Variants in SEPTIN9 observed in about 807,000 individuals in gnomAD.
The protein encoded by SEPTIN9 is septin-9.
A neutral mutation model predicts 56.6 loss-of-function variants in SEPTIN9; 13 were observed. That is an observed-to-expected ratio of 0.23 (90% CI 0.15 to 0.37). The LOEUF (loss-of-function observed/expected upper bound fraction) is 0.37. SEPTIN9 is among the 10% of genes least tolerant of loss of function. The pLI, the probability that SEPTIN9 is intolerant of heterozygous loss-of-function variation, is 1.00. For synonymous variants in SEPTIN9, 332 were observed against 334.1 expected, an observed-to-expected ratio of 0.99 and a Z score of 0.07; for missense variants, 650 against 823.1, an observed-to-expected ratio of 0.79 and a Z score of 2.57.
Position 77,392,723 on chromosome 17 carries a change from C to T in SEPTIN9, c.77-9336C>T, listed in dbSNP as rs142263290. Among the ~76,000 whole-genome samples the T allele has an allele frequency of 5.5e-3, 834 of 152,188 alleles. 9 individuals are homozygous for T. The highest frequency in any genetic ancestry group is 0.019 in the African/African-American group (804 of 41,510). ...CTCCCAGACCTTTGGCAGGTTTGAA[C>T]TATCTGGCTGCGGCTCTCTAAGGAG... On this transcript the variant is annotated intron_variant, in intron 2 of 11. Transcript: ENST00000427177.
rs78556668 is a variant in SEPTIN9, at chr17:77,339,578, C to T, written c.76+32381C>T. Among the ~76,000 whole-genome samples, 2,755 of 151,450 alleles carry T rather than the reference C, an allele frequency of 0.018. 183 individuals carry two copies. The East Asian group carries it at 0.24, about 13-fold the overall frequency. ...AGAATGGAATGCGGTGGCATGATCT[C>T]GGCTCATTGTAACCTCTGCCTCCCG... is the stretch of plus-strand genomic sequence containing the variant. On this transcript the variant is annotated intron_variant, in intron 2 of 11. Coordinates refer to ENST00000427177, the MANE Select transcript of SEPTIN9 (RefSeq NM_001113491.2).
In SEPTIN9 at chr17:77,402,071, C is replaced by G; in HGVS notation, c.89C>G (p.Ser30Cys). ...GDSSGPALKR[S>C]FEVEEVETPN... ...CTTTATTTTTCAGCCTTGAAAAGATCTTTTGAGGTCGAGGAGGTCGAGACA... is the reference window on the plus strand; with the variant it reads ...CTTTATTTTTCAGCCTTGAAAAGATGTTTTGAGGTCGAGGAGGTCGAGACA... Residue 30 changes from serine (S) to cysteine (C), a missense_variant, in exon 3 of 12, where the codon TCT becomes TGT. By Grantham distance (112) the Ser-to-Cys change is moderately radical. Transcript: ENST00000427177. The surrounding 1 kb of genome is among the most constrained non-coding windows in gnomAD (Gnocchi z 6.6). 1 of 1,612,808 alleles carries G rather than the reference C, an allele frequency of 6.2e-7. No individual in the cohort carries two copies. The highest frequency in any genetic ancestry group is 1.1e-5 in the South Asian group (1 of 91,058).
chr17:77,423,310 A>G (rs918316869), intron 3 of SEPTIN9, among the ~76,000 whole-genome samples: 11 of 152,222 alleles, frequency 7.2e-5, no homozygotes, highest in African/African-American at 2.7e-4. Context: ...TGCTGGGACT[A>G]CAGGCGTGAG....
chr17:77,385,311 A>G (rs2930275), intron 2 of SEPTIN9, among the ~76,000 whole-genome samples: 104,643 of 151,742 alleles, frequency 0.69, 36,227 homozygotes, highest in African/African-American at 0.75. Flanking sequence ...ACAGACACTC[A>G]TATTTGTAGG....
At chr17:77,461,716 C>T (rs904618070) in intron 3 of SEPTIN9, among the ~76,000 whole-genome samples, 1 of 152,128 alleles carries the variant, frequency 6.6e-6, no homozygotes, top group Non-Finnish European at 1.5e-5. Flanking sequence ...AAGGTGTGTA[C>T]GTGTGTTTAG....
At chr17:77,461,479 G>A (rs926883592) in intron 3 of SEPTIN9, among the ~76,000 whole-genome samples, 4 of 152,076 alleles carry the variant, frequency 2.6e-5, no homozygotes, top group African/African-American at 9.7e-5. Context: ...TCCTAGACTC[G>A]GGCTGGAGGC....
chr17:77,388,094 G>A (rs2035403038), intron 2 of SEPTIN9, among the ~76,000 whole-genome samples: 1 of 152,180 alleles, frequency 6.6e-6, no homozygotes, highest in Admixed American at 6.5e-5. Flanking sequence ...CCCCCTCGCT[G>A]TGTCTGGCTC....
intron 3 of SEPTIN9, among the ~76,000 whole-genome samples, chr17:77,463,245 C>A (rs2038562928): frequency 6.6e-6 from 1 of 152,154 alleles, no homozygotes; most frequent in Admixed American, 6.5e-5. Context: ...TATGCCAAGG[C>A]ACTGTATCTT....
At chr17:77,357,633 G>A (rs1289235721) in intron 2 of SEPTIN9, among the ~76,000 whole-genome samples, 1 of 151,820 alleles carries the variant, frequency 6.6e-6, no homozygotes, top group Admixed American at 6.6e-5. Flanking sequence ...TTCCTTTTCT[G>A]AGATGGGATC....
In SEPTIN9 at chr17:77,456,412, A is replaced by G. The variant is rs2038205708; in HGVS notation, c.722-25732A>G. On this transcript the variant is annotated intron_variant, in intron 3 of 11. Transcript: ENST00000427177. The surrounding 1 kb of genome is among the most constrained non-coding windows in gnomAD (Gnocchi z 6.0). ...CAGAGTGGAGGAAGGTGCCGTGGCTAGGGCAGGCCACACGCTGTGCTAATG... is the reference window on the plus strand; with the variant it reads ...CAGAGTGGAGGAAGGTGCCGTGGCTGGGGCAGGCCACACGCTGTGCTAATG... The G allele has an allele frequency of 6.6e-6, 1 of 152,298 alleles. No individual in the cohort carries two copies. Among genetic ancestry groups the G allele is most frequent in the African/African-American group, 2.4e-5 (1 of 41,404 alleles). The allele number at this position is 152,298 out of a possible 1,614,324, so 9.4% of individuals were successfully genotyped here. A position where few individuals can be genotyped will look rare whatever the true frequency, so the allele number is the denominator to read the frequency against.
rs892411562 is a variant in SEPTIN9 at position 77,450,070 on chromosome 17, G to T, written c.722-32074G>T. ...GACACTCCCCCGGCTCTGGCCTGGC[G>T]CCCGGAGACCAGTAGCAGCAGCTCC... On this transcript the variant is annotated intron_variant, in intron 3 of 11. Transcript: ENST00000427177. This position sits in a 1 kb window ranked among gnomAD's most constrained non-coding sequence, Gnocchi z 6.0. Among the ~76,000 whole-genome samples, 1 of 152,172 alleles carries T rather than the reference G, an allele frequency of 6.6e-6. No individual in the cohort carries two copies. The highest frequency in any genetic ancestry group is 2.4e-5 in the African/African-American group (1 of 41,456).
intron 3 of SEPTIN9, among the ~76,000 whole-genome samples, chr17:77,479,366 G>T (rs1336406182): frequency 6.6e-6 from 1 of 152,190 alleles, no homozygotes; most frequent in Non-Finnish European, 1.5e-5. Context: ...AGTCCTGAAG[G>T]CAGACCCCAA....
At chr17:77,378,778 G>T (rs973224370) in intron 2 of SEPTIN9, among the ~76,000 whole-genome samples, 1 of 152,214 alleles carries the variant, frequency 6.6e-6, no homozygotes, top group Non-Finnish European at 1.5e-5. Context: ...GGAGGCTGGC[G>T]TCATGTTGGC....
At chr17:77,466,417 A>AG in intron 3 of SEPTIN9, 8 of 985,432 alleles carry the variant, frequency 8.1e-6, no homozygotes, top group Non-Finnish European at 9.6e-6. Flanking sequence ...AGGGCCTGGG[A>AG]GGGGACAGGC....
At chr17:77,443,850 C>T (rs745594217) in intron 3 of SEPTIN9, among the ~76,000 whole-genome samples, 2 of 152,032 alleles carry the variant, frequency 1.3e-5, no homozygotes, top group Non-Finnish European at 2.9e-5. Context: ...AAGGTACCTG[C>T]TTGTGGAAAG....
chr17:77,423,425 G>A (rs2144231343), intron 3 of SEPTIN9, among the ~76,000 whole-genome samples: 1 of 152,366 alleles, frequency 6.6e-6, no homozygotes, highest in East Asian at 1.9e-4. Flanking sequence ...GAACCGGCGA[G>A]GCATCTCTCA....
At chr17:77,443,816 G>GA (rs1288931039) in intron 3 of SEPTIN9, among the ~76,000 whole-genome samples, 5 of 151,958 alleles carry the variant, frequency 3.3e-5, no homozygotes, top group Non-Finnish European at 4.4e-5. Context: ...AGAAAAAAAA[G>GA]AAAAAAAGTA....
At position 77,310,530 on chromosome 17, in the gene SEPTIN9, A is replaced by G. The variant is rs909854522; in HGVS notation, c.76+3333A>G. ...GCAGAGTTTGCCCGTCCCGTGGCCCACTGGTGACATCGCCGAAGGTCTTCT... is the reference window on the plus strand; with the variant it reads ...GCAGAGTTTGCCCGTCCCGTGGCCCGCTGGTGACATCGCCGAAGGTCTTCT... On this transcript the variant is annotated intron_variant, in intron 2 of 11. Transcript: ENST00000427177. This position sits in a 1 kb window ranked among gnomAD's most constrained non-coding sequence, Gnocchi z 4.7. Among the ~76,000 whole-genome samples, 2 of 152,096 alleles carry G rather than the reference A, an allele frequency of 1.3e-5. No individual in the cohort carries two copies. Among genetic ancestry groups the G allele is most frequent in the South Asian group, 2.1e-4 (1 of 4,824 alleles).
chr17:77,355,778 C>T (rs111956128), intron 2 of SEPTIN9, among the ~76,000 whole-genome samples: 22 of 151,890 alleles, frequency 1.4e-4, no homozygotes, highest in Non-Finnish European at 1.6e-4. Context: ...GTCAGGAGAT[C>T]GAGACCATCC....
Sources: gnomAD v4.1 joint callset for allele counts (sites outside exome capture counted in the v4.1 genomes callset) on GRCh38, gnomAD v4.1.1 for gene constraint, Gnocchi (gnomAD v3.1) non-coding constraint, MANE v1.5 for transcripts, NCBI Gene and HGNC (gene_info 2026-07-23, HGNC 2026-07-21) for gene names.